LRMDA: variants seen among roughly 807,000 people sequenced by gnomAD.
LRMDA encodes the protein leucine rich melanocyte differentiation associated, also known as leucine-rich melanocyte differentiation-associated protein.
Under a neutral mutation model 29.8 loss-of-function variants are expected in LRMDA, and 18 were observed. The ratio of observed to expected loss-of-function variants is 0.60; its 90% confidence interval spans 0.42 to 0.90. LRMDA has a LOEUF of 0.90. Ranked by LOEUF, LRMDA falls within the 40% of genes least tolerant of loss-of-function variation. The pLI, the probability that LRMDA is intolerant of heterozygous loss-of-function variation, is 0.00. For missense variants in LRMDA, 273 were observed against 273.9 expected (o/e 1.00, Z 0.02); for synonymous variants, 125 against 109.4 (o/e 1.14, Z -0.89).
chr10:76,463,652 G>A (rs116667168), intron 6 of LRMDA, among the ~76,000 whole-genome samples: 1 of 152,166 alleles, frequency 6.6e-6, no homozygotes. Flanking sequence ...TGGCAGGGGA[G>A]GGGGGAAGGG....
chr10:76,304,395 T>A (rs1039053048), intron 5 of LRMDA, among the ~76,000 whole-genome samples: 1 of 152,202 alleles, frequency 6.6e-6, no homozygotes, highest in African/African-American at 2.4e-5. Context: ...ATGACTCCAT[T>A]TGGCAGAAGC....
At chr10:75,594,715 C>CG (rs2132086744) in intron 2 of LRMDA, among the ~76,000 whole-genome samples, 1 of 152,234 alleles carries the variant, frequency 6.6e-6, no homozygotes, top group East Asian at 1.9e-4. Context: ...TGCGAGACAG[C>CG]GTTTGTTAAA....
intron 2 of LRMDA, among the ~76,000 whole-genome samples, chr10:75,845,929 T>G (rs1166444539): frequency 2.0e-5 from 3 of 152,172 alleles, no homozygotes; most frequent in Non-Finnish European, 2.9e-5. Flanking sequence ...CCTAAGATTT[T>G]CCTTTAGCAA....
intron 5 of LRMDA, among the ~76,000 whole-genome samples, chr10:76,083,801 T>C (rs1825620093): frequency 7.3e-6 from 1 of 137,358 alleles, no homozygotes; most frequent in South Asian, 2.5e-4. Flanking sequence ...GCCATTGCAC[T>C]CCAGCCTGGG....
At chr10:76,387,612 A>G (rs565401885) in intron 6 of LRMDA, among the ~76,000 whole-genome samples, 1 of 152,262 alleles carries the variant, frequency 6.6e-6, no homozygotes, top group Admixed American at 6.5e-5. Flanking sequence ...CAAAAAAAAA[A>G]AAAGTGGTAT....
intron 2 of LRMDA, among the ~76,000 whole-genome samples, chr10:75,823,147 G>C (rs759741533): frequency 3.3e-5 from 5 of 152,094 alleles, no homozygotes; most frequent in African/African-American, 4.8e-5. Flanking sequence ...CTTATGCACA[G>C]CAAAAGAAAC....
chr10:76,260,882 T>C lies in LRMDA; in HGVS notation c.517-63519T>C, dbSNP rs1363199894. The C allele has an allele frequency of 2.0e-5, 3 of 152,136 alleles. No individual in the cohort carries two copies. The South Asian group carries it at 6.2e-4, about 31-fold the overall frequency. The allele number at this position is 152,136 out of a possible 1,614,324, so 9.4% of individuals were successfully genotyped here. A position where few individuals can be genotyped will look rare whatever the true frequency, so the allele number is the denominator to read the frequency against. ...TCTCTGTATCATTATAATTTGAGTA[T>C]AGGTACCACTGAAGTGAGCATTTTT... On this transcript the variant is annotated intron_variant, in intron 5 of 6. Transcript: ENST00000611255.
chr10:75,805,119 T>C (rs1456470104), intron 2 of LRMDA, among the ~76,000 whole-genome samples: 1 of 152,198 alleles, frequency 6.6e-6, no homozygotes, highest in Non-Finnish European at 1.5e-5. Flanking sequence ...TCAATGCTGG[T>C]GTGGCGATGA....
intron 5 of LRMDA, among the ~76,000 whole-genome samples, chr10:76,168,612 C>T (rs564131591): frequency 6.7e-6 from 1 of 148,936 alleles, no homozygotes; most frequent in Non-Finnish European, 1.5e-5. Flanking sequence ...GTAAAGATAG[C>T]AAAAAAAGGA....
chr10:75,617,481 G>A (rs936323952), intron 2 of LRMDA, among the ~76,000 whole-genome samples: 2 of 152,132 alleles, frequency 1.3e-5, no homozygotes, highest in Non-Finnish European at 2.9e-5. Context: ...GAAGTAATTT[G>A]TATTCTCAGT....
intron 6 of LRMDA, among the ~76,000 whole-genome samples, chr10:76,365,911 T>C (rs547452466): frequency 1.3e-5 from 2 of 152,308 alleles, no homozygotes; most frequent in African/African-American, 2.4e-5. Context: ...CCATCTTGAG[T>C]TGATTTTTGT....
At chr10:75,871,796 A>C (rs993707730) in intron 2 of LRMDA, among the ~76,000 whole-genome samples, 4 of 152,210 alleles carry the variant, frequency 2.6e-5, no homozygotes, top group East Asian at 1.9e-4. Context: ...TATCTTACTA[A>C]TTTTATCTTC....
At chr10:75,885,012 T>C (rs1223446239) in intron 2 of LRMDA, among the ~76,000 whole-genome samples, 5 of 149,900 alleles carry the variant, frequency 3.3e-5, no homozygotes, top group East Asian at 2.0e-4. Context: ...TCAGGAGGCC[T>C]GGGGAGAACT....
intron 2 of LRMDA, among the ~76,000 whole-genome samples, chr10:75,649,459 C>G (rs567341383): frequency 1.3e-5 from 2 of 152,304 alleles, no homozygotes; most frequent in African/African-American, 4.8e-5. Flanking sequence ...ACTTGTGTAT[C>G]TGTTCATATG....
In LRMDA at chr10:76,036,153, G is replaced by T; in HGVS notation, c.258+19G>T. 6.2e-6 allele frequency: 10 copies of T among 1,605,280 alleles called. No individual in the cohort carries two copies. Among genetic ancestry groups the T allele is most frequent in the Non-Finnish European group, 8.5e-6 (10 of 1,176,408 alleles). ...GAACCGAATATCCTTTCCTCTGCCCGCTGCCCCCACTCCCCACCCAGCCCC... is the reference window on the plus strand; with the variant it reads ...GAACCGAATATCCTTTCCTCTGCCCTCTGCCCCCACTCCCCACCCAGCCCC... On this transcript the variant is annotated intron_variant, in intron 3 of 6. Transcript: ENST00000611255.
At chr10:75,619,795 T>C (rs7342061) in intron 2 of LRMDA, among the ~76,000 whole-genome samples, 3,193 of 152,270 alleles carry the variant, frequency 0.021, 88 homozygotes, top group African/African-American at 0.068. Context: ...AACTGTACTC[T>C]GGTCATAGCC....
At chr10:75,829,538 C>T (rs1468286116) in intron 2 of LRMDA, among the ~76,000 whole-genome samples, 1 of 152,128 alleles carries the variant, frequency 6.6e-6, no homozygotes, top group Non-Finnish European at 1.5e-5. Context: ...ATCTGGTGTT[C>T]TGAGTCAACT....
At chr10:75,660,762 G>T (rs1841742203) in intron 2 of LRMDA, among the ~76,000 whole-genome samples, 2 of 151,360 alleles carry the variant, frequency 1.3e-5, no homozygotes, top group African/African-American at 4.9e-5. Flanking sequence ...GGGAGGAAAA[G>T]AATTCACAAG....
intron 2 of LRMDA, among the ~76,000 whole-genome samples, chr10:75,640,935 C>A (rs943067662): frequency 2.0e-5 from 3 of 152,226 alleles, no homozygotes; most frequent in African/African-American, 7.2e-5. Flanking sequence ...CTTCTGCCAG[C>A]TTCCGCATTA....
Sources: allele counts gnomAD v4.1 joint callset (sites outside exome capture counted in the v4.1 genomes callset), GRCh38; gene constraint gnomAD v4.1.1; transcripts MANE v1.5; gene names NCBI Gene and HGNC (gene_info 2026-07-23, HGNC 2026-07-21).